Variants in CNTN5 observed in about 807,000 individuals in gnomAD.
CNTN5 encodes the protein contactin 5.
Under a neutral mutation model 129.1 loss-of-function variants are expected in CNTN5, and 77 were observed. The ratio of observed to expected loss-of-function variants is 0.60; its 90% CI spans 0.50 to 0.72. The LOEUF (loss-of-function observed/expected upper bound fraction) is 0.72. CNTN5 is among the 30% of genes least tolerant of loss of function. The pLI is 0.00. For missense variants in CNTN5, 1,478 were observed against 1,328.8 expected (o/e 1.11, Z -1.75); for synonymous variants, 509 against 465.6 (o/e 1.09, Z -1.20).
chr11:99,331,357 C>A (rs1200170020), intron 2 of CNTN5, among the ~76,000 whole-genome samples: 2 of 151,898 alleles, frequency 1.3e-5, no homozygotes, highest in African/African-American at 2.4e-5. Flanking sequence ...GAATGCCATA[C>A]AATAAATAAA....
chr11:100,282,851 A>G (rs1365437455), intron 18 of CNTN5, among the ~76,000 whole-genome samples: 1 of 152,102 alleles, frequency 6.6e-6, no homozygotes. Context: ...GAGGAGCCTC[A>G]CCACGTGGCC....
chr11:100,188,978 A>G (rs1338586213), intron 13 of CNTN5, among the ~76,000 whole-genome samples: 1 of 152,180 alleles, frequency 6.6e-6, no homozygotes. Context: ...TAACACGGCA[A>G]CAGAAAACCA....
chr11:99,928,455 C>T (rs1288009119), intron 7 of CNTN5, among the ~76,000 whole-genome samples: 1 of 152,212 alleles, frequency 6.6e-6, no homozygotes. Context: ...CATTCAGGCA[C>T]TCCCATATTC....
At chr11:100,329,528 T>G (rs1951859156) in intron 21 of CNTN5, among the ~76,000 whole-genome samples, 1 of 152,134 alleles carries the variant, frequency 6.6e-6, no homozygotes, top group Admixed American at 6.5e-5. Context: ...ACCCAAAAAC[T>G]GCACACTAAA....
intron 8 of CNTN5, among the ~76,000 whole-genome samples, chr11:99,997,648 C>G (rs1474798798): frequency 6.6e-6 from 1 of 152,108 alleles, no homozygotes; most frequent in Non-Finnish European, 1.5e-5. Context: ...CTCCCTAACT[C>G]ACTTTATGAG....
chr11:100,056,973 A>C (rs1482771878), intron 9 of CNTN5, among the ~76,000 whole-genome samples: 2 of 151,566 alleles, frequency 1.3e-5, no homozygotes, highest in African/African-American at 4.8e-5. Flanking sequence ...TTTCCCAATA[A>C]CATGGAACTT....
At chr11:99,466,789 G>A (rs1304468821) in intron 2 of CNTN5, among the ~76,000 whole-genome samples, 2 of 152,144 alleles carry the variant, frequency 1.3e-5, no homozygotes, top group African/African-American at 4.8e-5. Context: ...AGCGGGAAGA[G>A]AGGGTTTGGC....
intron 18 of CNTN5, among the ~76,000 whole-genome samples, chr11:100,280,744 T>C (rs1224097382): frequency 6.6e-6 from 1 of 152,146 alleles, no homozygotes; most frequent in Admixed American, 6.5e-5. Context: ...GGTTGTTTTG[T>C]GGTCTATTCT....
chr11:99,547,205 A>G (rs1565282465), intron 2 of CNTN5, among the ~76,000 whole-genome samples: 1 of 152,012 alleles, frequency 6.6e-6, no homozygotes, highest in Non-Finnish European at 1.5e-5. Flanking sequence ...GGGTTTCTCC[A>G]TGTCGGTCAG....
intron 2 of CNTN5, among the ~76,000 whole-genome samples, chr11:99,446,830 A>G (rs887930976): frequency 1.3e-5 from 2 of 152,198 alleles, no homozygotes; most frequent in African/African-American, 4.8e-5. Flanking sequence ...CATAAGGTTG[A>G]ATGGACTTCA....
chr11:99,255,046 A>G (rs1555091520), intron 1 of CNTN5, among the ~76,000 whole-genome samples: 1 of 152,006 alleles, frequency 6.6e-6, no homozygotes, highest in Non-Finnish European at 1.5e-5. Flanking sequence ...CAACAAGAAC[A>G]AAATAGAAAG....
At chr11:100,283,889 T>C (rs1215813562) in intron 18 of CNTN5, among the ~76,000 whole-genome samples, 1 of 152,090 alleles carries the variant, frequency 6.6e-6, no homozygotes. Context: ...GAGATTGCAG[T>C]GAGCCAAGAT....
At chr11:100,304,983 A>T (rs1646731861) in intron 20 of CNTN5, among the ~76,000 whole-genome samples, 1 of 151,296 alleles carries the variant, frequency 6.6e-6, no homozygotes. Context: ...GTTTACTTCT[A>T]ATCTTATTCT....
At chr11:99,196,337 T>C (rs574955722) in intron 1 of CNTN5, among the ~76,000 whole-genome samples, 18 of 152,074 alleles carry the variant, frequency 1.2e-4, no homozygotes, top group Non-Finnish European at 2.5e-4. Context: ...ATAAAAACAA[T>C]TGTAAATATT....
intron 3 of CNTN5, among the ~76,000 whole-genome samples, chr11:99,577,875 C>T (rs930087251): frequency 4.6e-5 from 7 of 151,634 alleles, no homozygotes; most frequent in South Asian, 2.1e-4. Flanking sequence ...ATGTGCACAA[C>T]GTGCAGGTTT....
chr11:99,780,841 G>A (rs1280566594), intron 3 of CNTN5, among the ~76,000 whole-genome samples: 1 of 151,968 alleles, frequency 6.6e-6, no homozygotes, highest in African/African-American at 2.4e-5. Flanking sequence ...GCAACTTCAA[G>A]GAAAATGTGT....
intron 1 of CNTN5, among the ~76,000 whole-genome samples, chr11:99,178,072 G>A (rs1436794900): frequency 4.0e-5 from 6 of 151,852 alleles, no homozygotes; most frequent in African/African-American, 1.5e-4. Context: ...TTATGTAACC[G>A]TACATGAAGT....
At chr11:99,758,839 G>C (rs537680859) in intron 3 of CNTN5, among the ~76,000 whole-genome samples, 78 of 152,124 alleles carry the variant, frequency 5.1e-4, no homozygotes, top group Non-Finnish European at 9.6e-4. Context: ...ATAATTCATA[G>C]TATAAGATTA....
chr11:99,818,714 G>C (rs2135549817), intron 3 of CNTN5, among the ~76,000 whole-genome samples: 1 of 152,114 alleles, frequency 6.6e-6, no homozygotes, highest in Non-Finnish European at 1.5e-5. Flanking sequence ...TAAACTTATT[G>C]TTTCTTATGG....
Sources: allele counts gnomAD v4.1 joint callset (sites outside exome capture counted in the v4.1 genomes callset), GRCh38; gene constraint gnomAD v4.1.1; transcripts MANE v1.5; gene names NCBI Gene and HGNC (gene_info 2026-07-23, HGNC 2026-07-21).